The following SPHKAP variants were observed in gnomAD, a reference collection of about 807,000 sequenced individuals.
The protein encoded by SPHKAP is A-kinase anchor protein SPHKAP.
Under a neutral mutation model 137.5 loss-of-function variants are expected in SPHKAP, and 67 were observed. That is an observed-to-expected ratio of 0.49 (90% CI 0.40 to 0.60). SPHKAP has a LOEUF of 0.60. SPHKAP is among the 20% of genes least tolerant of loss of function. The pLI, the probability that SPHKAP is intolerant of heterozygous loss-of-function variation, is 0.00. For synonymous variants in SPHKAP, 813 were observed against 785.3 expected, an observed-to-expected ratio of 1.04 and a Z score of -0.59; for missense variants, 2,097 against 2,069.3, an observed-to-expected ratio of 1.01 and a Z score of -0.26.
intron 5 of SPHKAP, 48 bp downstream of exon 5, chr2:228,025,346 G>GCTAA: frequency 1.2e-6 from 2 of 1,606,662 alleles, no homozygotes; most frequent in South Asian, 2.2e-5. Context: ...TCTGTGCTGA[G>GCTAA]CTAACTATAG....
intron 7 of SPHKAP, among the ~76,000 whole-genome samples, chr2:228,011,695 T>C (rs1210417964): frequency 6.6e-6 from 1 of 152,188 alleles, no homozygotes; most frequent in Non-Finnish European, 1.5e-5. Flanking sequence ...ATATCACACT[T>C]GCTTGTCAAT....
At chr2:228,053,247 C>A (rs1316898662) in intron 3 of SPHKAP, among the ~76,000 whole-genome samples, 1 of 152,122 alleles carries the variant, frequency 6.6e-6, no homozygotes, top group African/African-American at 2.4e-5. Context: ...CCTCATTTAA[C>A]CTTTATCACC....
intron 3 of SPHKAP, among the ~76,000 whole-genome samples, chr2:228,100,386 G>A (rs1698151985): frequency 6.6e-6 from 1 of 152,118 alleles, no homozygotes; most frequent in South Asian, 2.1e-4. Flanking sequence ...TGGGAGTGGT[G>A]AGATTGGACA....
In SPHKAP at chr2:228,017,562, T is replaced by C. The variant is rs1486619503; in HGVS notation, c.3292A>G (p.Asn1098Asp). 1 of 1,613,560 alleles carries C rather than the reference T, an allele frequency of 6.2e-7. No individual in the cohort carries two copies. The highest frequency in any genetic ancestry group is 8.5e-7 in the Non-Finnish European group (1 of 1,179,992). Residue 1098 changes from asparagine (N) to aspartate (D), a missense_variant, in exon 7 of 12, where the codon AAC (asparagine) becomes GAC (aspartate). Physicochemically the swap from Asn to Asp is conservative, Grantham distance 23. Transcript: ENST00000392056. ...AGCGTGCTCATTAAGCCCAGGCTGT[T>C]GACATAGGCCCTGGCCTCGGAGTCT... ...EEDSEARAYVNSLGLMSTLSQ... is the reference protein window; with the variant it reads ...EEDSEARAYVDSLGLMSTLSQ...
chr2:228,007,322 A>G (rs145759682), intron 7 of SPHKAP, among the ~76,000 whole-genome samples: 2 of 152,276 alleles, frequency 1.3e-5, no homozygotes, highest in African/African-American at 2.4e-5. Context: ...TTTTGATGAG[A>G]ACATTTAAAA....
intron 3 of SPHKAP, chr2:228,027,960 G>GAAAAAAAA (rs113514692): frequency 1.7e-5 from 14 of 805,140 alleles, no homozygotes; most frequent in African/African-American, 7.3e-5. Context: ...GACTGCATCT[G>GAAAAAAAA]AAAAAAAAAA....
chr2:228,143,768 A>G (rs1285914563), intron 1 of SPHKAP, among the ~76,000 whole-genome samples: 1 of 151,418 alleles, frequency 6.6e-6, no homozygotes, highest in Non-Finnish European at 1.5e-5. Context: ...AGCCTCCCAA[A>G]GTGCCGGGAT....
intron 3 of SPHKAP, among the ~76,000 whole-genome samples, chr2:228,077,906 G>A (rs1697235366): frequency 6.6e-6 from 1 of 152,184 alleles, no homozygotes; most frequent in South Asian, 2.1e-4. Context: ...GGAACCCAGT[G>A]GGAGGTGATT....
At chr2:228,102,001 A>G (rs1164293122) in intron 3 of SPHKAP, among the ~76,000 whole-genome samples, 1 of 152,206 alleles carries the variant, frequency 6.6e-6, no homozygotes, top group Non-Finnish European at 1.5e-5. Flanking sequence ...TGTGTACATT[A>G]ACATTGGGTG....
At chr2:228,030,117 C>T (rs1427092382) in intron 3 of SPHKAP, among the ~76,000 whole-genome samples, 1 of 152,186 alleles carries the variant, frequency 6.6e-6, no homozygotes, top group African/African-American at 2.4e-5. Context: ...AAACCAACTT[C>T]TTGCTTATAC....
At chr2:228,177,324 C>G (rs1262330240) in intron 1 of SPHKAP, among the ~76,000 whole-genome samples, 3 of 151,926 alleles carry the variant, frequency 2.0e-5, no homozygotes, top group African/African-American at 7.3e-5. Flanking sequence ...GTTCCTTTCT[C>G]TATAGGAAAT....
At chr2:228,088,008 C>T (rs1697592494) in intron 3 of SPHKAP, among the ~76,000 whole-genome samples, 1 of 152,106 alleles carries the variant, frequency 6.6e-6, no homozygotes, top group African/African-American at 2.4e-5. Flanking sequence ...ATACACATTT[C>T]TATTGTACAT....
chr2:228,110,628 TA>T (rs56053986), intron 2 of SPHKAP, among the ~76,000 whole-genome samples: 52,389 of 151,946 alleles, frequency 0.34, 9,290 homozygotes, highest in East Asian at 0.5. Context: ...ACTAAGATGT[TA>T]TTTGTTCTTT....
At chr2:228,144,753 T>C (rs1699717666) in intron 1 of SPHKAP, among the ~76,000 whole-genome samples, 2 of 152,144 alleles carry the variant, frequency 1.3e-5, no homozygotes, top group Admixed American at 1.3e-4. Flanking sequence ...TCCTTTGAAA[T>C]CAAATGAAAT....
chr2:228,054,821 G>A (rs941607248), intron 3 of SPHKAP, among the ~76,000 whole-genome samples: 7 of 151,764 alleles, frequency 4.6e-5, no homozygotes, highest in African/African-American at 1.5e-4. Context: ...GTATACTGAC[G>A]TCTTACCTAC....
chr2:228,109,058 G>A, intron 2 of SPHKAP, 119 bp from the exon 3 acceptor site: 1 of 641,662 alleles, frequency 1.6e-6, no homozygotes, highest in Non-Finnish European at 2.4e-6. Flanking sequence ...TTTCCTCAGA[G>A]CTTCTGGGTG....
chr2:228,084,117 A>G (rs1559164525), intron 3 of SPHKAP, among the ~76,000 whole-genome samples: 1 of 152,106 alleles, frequency 6.6e-6, no homozygotes, highest in Non-Finnish European at 1.5e-5. Flanking sequence ...AGAAAAAAAA[A>G]AAAAGAAATG....
At chr2:228,115,392 TGACTTCCC>T (rs1698677113) in intron 2 of SPHKAP, among the ~76,000 whole-genome samples, 1 of 152,114 alleles carries the variant, frequency 6.6e-6, no homozygotes, top group Non-Finnish European at 1.5e-5. Context: ...CCTGACTTCC[TGACTTCCC>T]TATTTGCAGT....
At chr2:228,054,384 G>T (rs1005591287) in intron 3 of SPHKAP, among the ~76,000 whole-genome samples, 1 of 152,240 alleles carries the variant, frequency 6.6e-6, no homozygotes, top group East Asian at 1.9e-4. Context: ...AAATGGTAGG[G>T]TTTGGGCAAG....
Sources: allele counts gnomAD v4.1 joint callset (sites outside exome capture counted in the v4.1 genomes callset), GRCh38; gene constraint gnomAD v4.1.1; transcripts MANE v1.5; gene names NCBI Gene and HGNC (gene_info 2026-07-23, HGNC 2026-07-21).